GAB1: variants seen among roughly 807,000 people sequenced by gnomAD.
The protein encoded by GAB1 is GRB2-associated-binding protein 1.
GAB1 carries 19 observed loss-of-function variants against 66.5 expected under a neutral mutation model. That is an observed-to-expected ratio of 0.29 (90% CI 0.20 to 0.42). The LOEUF is 0.42. GAB1 is among the 10% of genes least tolerant of loss of function. GAB1 has a pLI of 1.00. For missense variants in GAB1, 732 were observed against 858.5 expected, an observed-to-expected ratio of 0.85 and a Z score of 1.84; for synonymous variants, 294 against 301.4, an observed-to-expected ratio of 0.98 and a Z score of 0.25.
At position 143,433,492 on chromosome 4, in the gene GAB1, T is replaced by G; in HGVS notation, c.369T>G (p.Asp123Glu). ...GATAGTTAAACTTTGGTGTTGCAGA[T>G]CCTGTGAAGCCACCTGGCAGCTCTT... is the stretch of plus-strand genomic sequence containing the variant. ...DICGFNPTEE[D>E]PVKPPGSSLQ... The change falls in exon 3 of 10, where the codon GAT (aspartate) becomes GAG (glutamate). Residue 123 changes from aspartate (D) to glutamate (E), a missense_variant and splice_region_variant. Physicochemically the swap from Asp to Glu is conservative, Grantham distance 45 (BLOSUM62 2). Coordinates refer to ENST00000262994, the MANE Select transcript of GAB1 (RefSeq NM_002039.4). The G allele has an allele frequency of 1.9e-6, 3 of 1,613,106 alleles. No homozygotes were observed. The highest frequency in any genetic ancestry group is 1.3e-5 in the African/African-American group (1 of 75,030).
chr4:143,419,667 G>A (rs752652374), intron 2 of GAB1, among the ~76,000 whole-genome samples: 35 of 152,056 alleles, frequency 2.3e-4, no homozygotes, highest in Non-Finnish European at 4.3e-4. Context: ...CTGCCAATAC[G>A]TTCTACATTG....
intron 1 of GAB1, among the ~76,000 whole-genome samples, chr4:143,341,639 T>C (rs1482867317): frequency 1.3e-5 from 2 of 152,226 alleles, no homozygotes; most frequent in Non-Finnish European, 2.9e-5. Context: ...GTGGGCTCTC[T>C]GTCTGCTCTG....
chr4:143,469,316 T>C lies in GAB1; in HGVS notation c.*127T>C. On this transcript the variant is annotated 3_prime_UTR_variant, in exon 10 of 10. Coordinates refer to ENST00000262994, the MANE Select transcript of GAB1 (RefSeq NM_002039.4). The stretch of plus-strand genomic sequence containing the variant: ...TGAGTAGAGTTGAAGTCAAAGGACC[T>C]TTCTGACATAATCAAGCAATTTAGA... The C allele has an allele frequency of 1.0e-6, 1 of 959,616 alleles. No individual in the cohort carries two copies. The highest frequency in any genetic ancestry group is 1.5e-6 in the Non-Finnish European group (1 of 659,490). 59.4% of individuals were successfully genotyped at this position (959,616 alleles called of 1,614,324 possible).
intron 1 of GAB1, among the ~76,000 whole-genome samples, chr4:143,353,943 T>G (rs1203521386): frequency 2.0e-5 from 3 of 152,224 alleles, no homozygotes; most frequent in Non-Finnish European, 4.4e-5. Flanking sequence ...ATCTGCTTTG[T>G]AAGTGTTGAG....
At chr4:143,389,131 C>T (rs1398942302) in intron 1 of GAB1, among the ~76,000 whole-genome samples, 1 of 152,184 alleles carries the variant, frequency 6.6e-6, no homozygotes, top group Non-Finnish European at 1.5e-5. Flanking sequence ...TTCATCTTTC[C>T]GCAGTTGGTA....
chr4:143,423,357 T>G (rs563793927), intron 2 of GAB1, among the ~76,000 whole-genome samples: 1 of 152,288 alleles, frequency 6.6e-6, no homozygotes, highest in South Asian at 2.1e-4. Context: ...ATGATCTTGC[T>G]AGCAAACATA....
rs1027822765 is a variant in GAB1, at chr4:143,376,732, A to T, written c.73-38745A>T. On this transcript the variant is annotated intron_variant, in intron 1 of 9. Transcript: ENST00000262994. ...AAATATTAGCTCTTGTGGTTATTTT[A>T]AGACTCATCTCAATAACCAAGAGAA... 119 of 152,354 alleles carry T rather than the reference A, an allele frequency of 7.8e-4. 1 individual carries two copies. Among genetic ancestry groups the T allele is most frequent in the Admixed American group, 7.8e-3 (119 of 15,302 alleles). 9.4% of individuals were successfully genotyped at this position (152,354 alleles called of 1,614,324 possible). A position where few individuals can be genotyped will look rare whatever the true frequency, so the allele number is the denominator to read the frequency against.
intron 1 of GAB1, among the ~76,000 whole-genome samples, chr4:143,383,385 C>T (rs967495702): frequency 6.6e-6 from 1 of 152,152 alleles, no homozygotes; most frequent in Non-Finnish European, 1.5e-5. Flanking sequence ...TTATAGAACC[C>T]AATGAAAGGA....
chr4:143,469,959 CATGTATT>C lies in GAB1; in HGVS notation c.*772_*778del, dbSNP rs1736000706. On this transcript the variant is annotated 3_prime_UTR_variant, in exon 10 of 10. Transcript: ENST00000262994. ...GATGATGTGCTCTTACACTTGTTAA[CATGTATT>C]AAGTGTTATTTGCAAAAGGTAGATT... The C allele has an allele frequency of 6.6e-6, 1 of 152,614 alleles. No homozygotes were observed. The highest frequency in any genetic ancestry group is 2.4e-5 in the African/African-American group (1 of 41,438). The allele number at this position is 152,614 out of a possible 1,614,324, so 9.5% of individuals were successfully genotyped here. A position where few individuals can be genotyped will look rare whatever the true frequency, so the allele number is the denominator to read the frequency against.
chr4:143,378,084 A>C (rs1730491284), intron 1 of GAB1, among the ~76,000 whole-genome samples: 1 of 152,258 alleles, frequency 6.6e-6, no homozygotes, highest in Non-Finnish European at 1.5e-5. Context: ...ATAGCGTATA[A>C]AAACACTGTT....
intron 1 of GAB1, among the ~76,000 whole-genome samples, chr4:143,388,027 G>A (rs1730999400): frequency 6.6e-6 from 1 of 152,098 alleles, no homozygotes; most frequent in Admixed American, 6.6e-5. Flanking sequence ...GGCAGAGGGG[G>A]TTTCTGACTT....
chr4:143,345,613 G>A (rs748169133), intron 1 of GAB1, among the ~76,000 whole-genome samples: 2 of 152,020 alleles, frequency 1.3e-5, no homozygotes, highest in African/African-American at 2.4e-5. Flanking sequence ...AATACTGCAC[G>A]TAGGGGAAAG....
chr4:143,395,930 A>C (rs1253112436), intron 1 of GAB1: 1 of 455,744 alleles, frequency 2.2e-6, no homozygotes, highest in Non-Finnish European at 4.4e-6. Context: ...TGCAGGATGA[A>C]ATTTGTGTGC....
intron 1 of GAB1, chr4:143,349,793 T>A (rs1729123227): frequency 6.3e-7 from 1 of 1,589,950 alleles, no homozygotes; most frequent in South Asian, 1.1e-5. Context: ...TTGAACCTCG[T>A]GCGCTGGCCG....
chr4:143,347,359 GATTTGCATTACAAAAAC>G (rs1729022052), intron 1 of GAB1, among the ~76,000 whole-genome samples: 1 of 152,116 alleles, frequency 6.6e-6, no homozygotes, highest in African/African-American at 2.4e-5. Context: ...TACTTTCTAT[GATTTGCATTACAAAAAC>G]AATAGCTATA....
At chr4:143,457,160 G>A (rs1735233162) in intron 6 of GAB1, among the ~76,000 whole-genome samples, 2 of 152,152 alleles carry the variant, frequency 1.3e-5, no homozygotes, top group African/African-American at 4.8e-5. Context: ...TGTTCAGGAG[G>A]TGCAGGAATA....
intron 1 of GAB1, among the ~76,000 whole-genome samples, chr4:143,371,753 C>T (rs1426041440): frequency 6.6e-6 from 1 of 152,158 alleles, no homozygotes; most frequent in Non-Finnish European, 1.5e-5. Context: ...GATCCAGTTT[C>T]AGCTTTCTAC....
chr4:143,369,232 C>T (rs778565379), intron 1 of GAB1, among the ~76,000 whole-genome samples: 8 of 152,112 alleles, frequency 5.3e-5, no homozygotes, highest in Non-Finnish European at 1.0e-4. Flanking sequence ...TGAGCCACCG[C>T]ACCCGGCCAT....
Position 143,438,205 on chromosome 4 carries a change from A to G in GAB1, c.800A>G (p.His267Arg), listed in dbSNP as rs769123047. The change falls in exon 4 of 10, where the codon CAT becomes CGT. Residue 267 changes from histidine to arginine, a missense_variant. His to Arg is a conservative substitution (Grantham distance 29). Transcript: ENST00000262994. ...SLYNLPRSYS[H>R]DVLPKVSPSS... ...TATAACCTGCCCAGGAGTTATTCCC[A>G]TGATGTTTTACCAAAGGTGTCTCCA... 2.4e-5 allele frequency: 38 copies of G among 1,614,064 alleles called. No individual in the cohort carries two copies. The highest frequency in any genetic ancestry group is 2.7e-5 in the Non-Finnish European group (32 of 1,180,008).
Sources: gnomAD v4.1 joint callset for allele counts (sites outside exome capture counted in the v4.1 genomes callset) on GRCh38, gnomAD v4.1.1 for gene constraint, MANE v1.5 for transcripts, NCBI Gene and HGNC (gene_info 2026-07-23, HGNC 2026-07-21) for gene names.